The following MAPKAP1 variants were observed in gnomAD, a reference collection of about 807,000 sequenced individuals.
MAPKAP1 encodes target of rapamycin complex 2 subunit MAPKAP1.
In MAPKAP1, 20 loss-of-function variants were observed where a neutral mutation model predicts 65.7. That is an observed-to-expected ratio of 0.30 (90% CI 0.21 to 0.44). The LOEUF (loss-of-function observed/expected upper bound fraction) is 0.44, where lower values mean the gene tolerates loss of function less well. MAPKAP1 is among the 20% of genes least tolerant of loss of function. The probability of loss-of-function intolerance (pLI) is 1.00; values close to 1 mark genes in which losing one functional copy is unlikely to be tolerated. For synonymous variants in MAPKAP1, 222 were observed against 244.3 expected (o/e 0.91, Z 0.85); for missense variants, 423 against 648.0 (o/e 0.65, Z 3.77).
chr9:125,706,982 T>C lies in MAPKAP1; in HGVS notation c.-81A>G, dbSNP rs1422170871. The C allele has an allele frequency of 2.5e-6, 1 of 395,320 alleles. No individual in the cohort carries two copies. The highest frequency in any genetic ancestry group is 4.4e-5 in the Admixed American group (1 of 22,616). The allele number at this position is 395,320 out of a possible 1,614,324, so 24.5% of individuals were successfully genotyped here. A position where few individuals can be genotyped will look rare whatever the true frequency, so the allele number is the denominator to read the frequency against. ...GGGGCAACCTTTACCTGAAGCTGCT[T>C]CCACACTACGGGCCGGGTCGGCCCC... On this transcript the variant is annotated 5_prime_UTR_variant, in exon 1 of 12. Transcript: ENST00000265960.
chr9:125,672,276 A>G, intron 2 of MAPKAP1, 40 bp downstream of exon 2: 1 of 1,606,568 alleles, frequency 6.2e-7, no homozygotes, highest in Non-Finnish European at 8.5e-7. Flanking sequence ...CTGTTTACTG[A>G]TTTAAAGCTC....
chr9:125,627,487 T>G (rs528790073), intron 4 of MAPKAP1, among the ~76,000 whole-genome samples: 4 of 152,276 alleles, frequency 2.6e-5, no homozygotes, highest in African/African-American at 9.6e-5. Context: ...ATGGGAATAG[T>G]GAAGGCAGAG....
intron 11 of MAPKAP1, among the ~76,000 whole-genome samples, chr9:125,442,536 T>TAAAA (rs11450537): frequency 5.8e-5 from 8 of 137,226 alleles, no homozygotes; most frequent in South Asian, 2.3e-4. Context: ...ATGCTGGCTA[T>TAAAA]AAAAAAAAAA....
chr9:125,561,829 A>G (rs1240603852), intron 5 of MAPKAP1, among the ~76,000 whole-genome samples: 1 of 152,234 alleles, frequency 6.6e-6, no homozygotes, highest in Admixed American at 6.5e-5. Context: ...GAAGGTAACT[A>G]TAATAAGAAA....
At chr9:125,643,915 G>C (rs1302226571) in intron 4 of MAPKAP1, among the ~76,000 whole-genome samples, 1 of 152,050 alleles carries the variant, frequency 6.6e-6, no homozygotes. Flanking sequence ...TTTCATTTTT[G>C]CTTCATCTTA....
intron 7 of MAPKAP1, among the ~76,000 whole-genome samples, chr9:125,531,836 T>C (rs962335283): frequency 2.6e-5 from 4 of 152,226 alleles, no homozygotes; most frequent in Admixed American, 1.3e-4. Flanking sequence ...CATTACTACA[T>C]TCACTCTGAA....
At chr9:125,610,692 T>C (rs987648120) in intron 4 of MAPKAP1, among the ~76,000 whole-genome samples, 2 of 152,238 alleles carry the variant, frequency 1.3e-5, no homozygotes, top group Non-Finnish European at 2.9e-5. Flanking sequence ...CCTCAGACTT[T>C]ATAAACATAA....
At chr9:125,502,248 C>G (rs1829005458) in intron 8 of MAPKAP1, among the ~76,000 whole-genome samples, 1 of 151,996 alleles carries the variant, frequency 6.6e-6, no homozygotes, top group Non-Finnish European at 1.5e-5. Context: ...ATTACAGGCA[C>G]TTACCACCAT....
chr9:125,661,726 G>T (rs1317181464), intron 3 of MAPKAP1, among the ~76,000 whole-genome samples: 1 of 152,124 alleles, frequency 6.6e-6, no homozygotes, highest in Non-Finnish European at 1.5e-5. Context: ...CTTGCTTTAT[G>T]TTTCTGACTT....
chr9:125,517,749 G>T (rs2133108353), intron 7 of MAPKAP1, among the ~76,000 whole-genome samples: 1 of 152,232 alleles, frequency 6.6e-6, no homozygotes, highest in East Asian at 1.9e-4. Flanking sequence ...ATGGGCTCTG[G>T]GGAGGAGCAG....
intron 11 of MAPKAP1, among the ~76,000 whole-genome samples, chr9:125,440,090 G>A (rs191339854): frequency 6.6e-6 from 1 of 152,344 alleles, no homozygotes; most frequent in East Asian, 1.9e-4. Context: ...GGTGGTGGGA[G>A]CCAGGGAGGG....
intron 4 of MAPKAP1, among the ~76,000 whole-genome samples, chr9:125,630,953 T>C (rs923755358): frequency 1.3e-5 from 2 of 152,052 alleles, no homozygotes; most frequent in Admixed American, 6.6e-5. Flanking sequence ...AAAAATTAGC[T>C]GGGCATGGTG....
In MAPKAP1 at chr9:125,584,885, C is replaced by T. The variant is rs79958994; in HGVS notation, c.671+670G>A. On this transcript the variant is annotated intron_variant, in intron 5 of 11. Coordinates refer to ENST00000265960, the MANE Select transcript of MAPKAP1 (RefSeq NM_001006617.3). Reference sequence around the variant, plus strand: ...CACTTTAAAGTTCAAATTATAATGCCGAGGCATAGAGAGGCTACTCTCAAG... The same window carrying T: ...CACTTTAAAGTTCAAATTATAATGCTGAGGCATAGAGAGGCTACTCTCAAG... Among the ~76,000 whole-genome samples, 271 of 152,058 alleles carry T rather than the reference C, an allele frequency of 1.8e-3. 13 individuals carry two copies. In the East Asian group the frequency reaches 0.046, roughly 26 times the overall value.
intron 1 of MAPKAP1, among the ~76,000 whole-genome samples, chr9:125,705,376 T>C (rs1382263926): frequency 6.6e-6 from 1 of 152,108 alleles, no homozygotes; most frequent in Non-Finnish European, 1.5e-5. Flanking sequence ...AATACCCAAA[T>C]ACTCAAAGTT....
intron 8 of MAPKAP1, among the ~76,000 whole-genome samples, chr9:125,497,616 C>A (rs956429345): frequency 7.2e-5 from 11 of 152,214 alleles, no homozygotes; most frequent in African/African-American, 2.7e-4. Context: ...GATTCATTCA[C>A]CTCCATTTAC....
intron 4 of MAPKAP1, among the ~76,000 whole-genome samples, chr9:125,656,866 G>A (rs1449889282): frequency 1.3e-5 from 2 of 152,064 alleles, no homozygotes; most frequent in Non-Finnish European, 2.9e-5. Flanking sequence ...TTGGGGAAGG[G>A]GTGCTGCATA....
chr9:125,543,984 G>T (rs1830343426), intron 6 of MAPKAP1, among the ~76,000 whole-genome samples: 3 of 152,074 alleles, frequency 2.0e-5, no homozygotes, highest in Admixed American at 2.0e-4. Context: ...AAAAGAAAAT[G>T]CTCTAACTAG....
In MAPKAP1 at chr9:125,476,275, G is replaced by A. The variant is rs560065415; in HGVS notation, c.1208-8166C>T. On this transcript the variant is annotated intron_variant, in intron 9 of 11. Coordinates refer to ENST00000265960, the MANE Select transcript of MAPKAP1 (RefSeq NM_001006617.3). Reference sequence around the variant, plus strand: ...CTGCCTCATCAGTTCATTAGTATAAGTCAATTCCAAAGTTTGGTTCAGGAA... The same window carrying A: ...CTGCCTCATCAGTTCATTAGTATAAATCAATTCCAAAGTTTGGTTCAGGAA... 2.0e-5 allele frequency among the ~76,000 whole-genome samples: 3 copies of A among 152,306 alleles called. No homozygotes were observed. In the East Asian group the frequency reaches 5.8e-4, roughly 29 times the overall value.
intron 10 of MAPKAP1, among the ~76,000 whole-genome samples, chr9:125,459,369 G>T (rs1206873203): frequency 1.3e-5 from 2 of 150,842 alleles, no homozygotes; most frequent in African/African-American, 2.4e-5. Context: ...CATCCCAGAC[G>T]ATGGGCGGCC....
Sources: gnomAD v4.1 joint callset for allele counts (sites outside exome capture counted in the v4.1 genomes callset) on GRCh38, gnomAD v4.1.1 for gene constraint, MANE v1.5 for transcripts, NCBI Gene and HGNC (gene_info 2026-07-23, HGNC 2026-07-21) for gene names.